MCC: variants seen among roughly 807,000 people sequenced by gnomAD.
MCC encodes MCC regulator of Wnt signaling pathway.
MCC carries 90 observed loss-of-function variants against 116.2 expected under a neutral mutation model. That is an observed-to-expected ratio of 0.77 (90% CI 0.65 to 0.92). The LOEUF is 0.92. Ranked by LOEUF, MCC falls within the 40% of genes least tolerant of loss-of-function variation. The pLI is 0.00. For missense variants in MCC, 1,516 were observed against 1,312.2 expected (o/e 1.16, Z -2.40); for synonymous variants, 578 against 510.5 (o/e 1.13, Z -1.78).
intron 1 of MCC, among the ~76,000 whole-genome samples, chr5:113,464,249 T>C (rs1232736779): frequency 1.3e-5 from 2 of 152,134 alleles, no homozygotes; most frequent in Non-Finnish European, 2.9e-5. Context: ...TCAATTAGAC[T>C]AAAAGCCAAA....
intron 2 of MCC, among the ~76,000 whole-genome samples, chr5:113,379,450 T>A (rs1451798724): frequency 6.6e-6 from 1 of 152,214 alleles, no homozygotes; most frequent in African/African-American, 2.4e-5. Context: ...AACTTCCCTA[T>A]AATGTTTGTG....
intron 1 of MCC, among the ~76,000 whole-genome samples, chr5:113,413,072 T>C (rs1266667920): frequency 2.0e-5 from 3 of 152,194 alleles, no homozygotes; most frequent in Admixed American, 6.5e-5. Context: ...ATGGATTACG[T>C]TGATTGATTT....
At chr5:113,342,214 C>G (rs898598299) in intron 2 of MCC, among the ~76,000 whole-genome samples, 6 of 152,112 alleles carry the variant, frequency 3.9e-5, no homozygotes, top group African/African-American at 1.4e-4. Context: ...TGTATATATA[C>G]CACATTTTCT....
chr5:113,082,853 T>C lies in MCC; in HGVS notation c.1784+7A>G. 1 of 1,613,692 alleles carries C rather than the reference T, an allele frequency of 6.2e-7. No individual in the cohort carries two copies. Among genetic ancestry groups the C allele is most frequent in the Non-Finnish European group, 8.5e-7 (1 of 1,179,798 alleles). ...CCCACAATCAAATCGATACGATCTC[T>C]CCTCACCTATTCAGCCGTTCTGTTT... is the stretch of plus-strand genomic sequence containing the variant. On this transcript the variant is annotated splice_region_variant and intron_variant, in intron 11 of 18. Transcript: ENST00000408903.
intron 3 of MCC, among the ~76,000 whole-genome samples, chr5:113,198,541 A>C (rs1262566796): frequency 2.3e-5 from 1 of 42,680 alleles, no homozygotes; most frequent in African/African-American, 3.4e-4. Context: ...CAAATAATTA[A>C]AAAAAAAAAA....
chr5:113,069,979 C>A (rs1172347352), intron 12 of MCC, among the ~76,000 whole-genome samples: 1 of 152,184 alleles, frequency 6.6e-6, no homozygotes, highest in Non-Finnish European at 1.5e-5. Flanking sequence ...GTTTCAAAGG[C>A]AGTTCATATT....
At chr5:113,128,601 G>C (rs1188197701) in intron 5 of MCC, among the ~76,000 whole-genome samples, 2 of 152,070 alleles carry the variant, frequency 1.3e-5, no homozygotes, top group South Asian at 4.2e-4. Context: ...GTGAATAATT[G>C]AACAAATGGG....
At chr5:113,306,615 G>A (rs1766991162) in intron 3 of MCC, among the ~76,000 whole-genome samples, 2 of 151,976 alleles carry the variant, frequency 1.3e-5, no homozygotes, top group South Asian at 2.1e-4. Flanking sequence ...ATACTCTGGA[G>A]ATTAGACCTT....
intron 3 of MCC, among the ~76,000 whole-genome samples, chr5:113,328,480 T>A (rs956416810): frequency 6.6e-6 from 1 of 152,178 alleles, no homozygotes; most frequent in Non-Finnish European, 1.5e-5. Context: ...CCTCTCTTAC[T>A]ACTAATGGTT....
chr5:113,110,056 C>A (rs181390050), intron 6 of MCC, among the ~76,000 whole-genome samples: 1 of 152,064 alleles, frequency 6.6e-6, no homozygotes, highest in Admixed American at 6.5e-5. Context: ...TGGGCTCAAT[C>A]AATCCGCCCA....
In MCC at chr5:113,434,885, C is replaced by G; in HGVS notation, c.171-49673G>C. On this transcript the variant is annotated intron_variant, in intron 1 of 18. Transcript: ENST00000408903. This position sits in a 1 kb window ranked among gnomAD's most constrained non-coding sequence, Gnocchi z 4.2. ...CCTCTGAGGCTGCCCTCTACAGCCC[C>G]GAGGCGCATGGGCCAGCAGTGTGCT... 6.4e-7 allele frequency: 1 copy of G among 1,568,922 alleles called. No individual in the cohort carries two copies. Among genetic ancestry groups the G allele is most frequent in the Non-Finnish European group, 8.6e-7 (1 of 1,156,124 alleles).
Position 113,054,611 on chromosome 5 carries a change from G to A in MCC, c.2214-652C>T, listed in dbSNP as rs577146170. On this transcript the variant is annotated intron_variant, in intron 14 of 18. Coordinates refer to ENST00000408903, the MANE Select transcript of MCC (RefSeq NM_001085377.2). ...TGTTTACTTCTGTTGTTTGCAACATGTACCATGAAAAACACAGGGGTGCAC... is the reference window on the plus strand; with the variant it reads ...TGTTTACTTCTGTTGTTTGCAACATATACCATGAAAAACACAGGGGTGCAC... 2.4e-3 allele frequency among the ~76,000 whole-genome samples: 361 copies of A among 152,334 alleles called. 5 individuals are homozygous for A. Among genetic ancestry groups the A allele is most frequent in the African/African-American group, 7.6e-3 (314 of 41,570 alleles).
At chr5:113,240,104 G>A (rs1299360855) in intron 3 of MCC, among the ~76,000 whole-genome samples, 1 of 152,180 alleles carries the variant, frequency 6.6e-6, no homozygotes, top group Admixed American at 6.5e-5. Flanking sequence ...TGGAATGGAG[G>A]GTGGTAGAAA....
chr5:113,247,334 A>G (rs56362568), intron 3 of MCC, among the ~76,000 whole-genome samples: 24,024 of 152,102 alleles, frequency 0.16, 2,208 homozygotes, highest in Admixed American at 0.29. Context: ...TGGGAGAACT[A>G]TAGCACCCCC....
intron 1 of MCC, among the ~76,000 whole-genome samples, chr5:113,397,710 G>A (rs1356751512): frequency 1.3e-5 from 2 of 152,078 alleles, no homozygotes; most frequent in African/African-American, 4.8e-5. Context: ...GAAGCCTTAA[G>A]TAGAAGACCC....
intron 3 of MCC, among the ~76,000 whole-genome samples, chr5:113,218,603 A>G (rs1199059302): frequency 1.3e-5 from 2 of 152,224 alleles, no homozygotes; most frequent in Non-Finnish European, 2.9e-5. Context: ...GTGTATTTCA[A>G]TTTATGCGAG....
intron 4 of MCC, among the ~76,000 whole-genome samples, chr5:113,147,497 TC>T (rs1410763002): frequency 2.0e-5 from 3 of 152,192 alleles, no homozygotes; most frequent in African/African-American, 7.2e-5. Context: ...TGAACTAGGT[TC>T]TTGGAAAATG....
chr5:113,388,959 A>G (rs1769338422), intron 1 of MCC, among the ~76,000 whole-genome samples: 1 of 152,152 alleles, frequency 6.6e-6, no homozygotes, highest in Non-Finnish European at 1.5e-5. Context: ...GCATGAGAAA[A>G]CAATTAGGGA....
At chr5:113,057,818 C>T (rs897684794) in intron 14 of MCC, among the ~76,000 whole-genome samples, 9 of 152,238 alleles carry the variant, frequency 5.9e-5, no homozygotes, top group East Asian at 1.9e-4. Flanking sequence ...CAGGCGAACG[C>T]GCGACAAAAT....
Sources: allele counts gnomAD v4.1 joint callset (sites outside exome capture counted in the v4.1 genomes callset), GRCh38; gene constraint gnomAD v4.1.1; non-coding constraint Gnocchi (gnomAD v3.1); transcripts MANE v1.5; gene names NCBI Gene and HGNC (gene_info 2026-07-23, HGNC 2026-07-21).